The following INPP4B variants were observed in gnomAD, a reference collection of about 807,000 sequenced individuals.
INPP4B encodes inositol polyphosphate 4-phosphatase type II.
In INPP4B, 55 loss-of-function variants were observed where a neutral mutation model predicts 122.5. That is an observed-to-expected ratio of 0.45 (90% confidence interval 0.36 to 0.56). The LOEUF (loss-of-function observed/expected upper bound fraction) is 0.56, where lower values mean the gene tolerates loss of function less well. Among genes scored for constraint, INPP4B ranks in the 20% least tolerant of loss-of-function variants. INPP4B has a pLI of 0.00. For synonymous variants in INPP4B, 403 were observed against 388.7 expected (o/e 1.04, Z -0.43); for missense variants, 1,000 against 1,097.7 (o/e 0.91, Z 1.26).
At chr4:142,089,166 A>T (rs1419384955) in intron 23 of INPP4B, among the ~76,000 whole-genome samples, 1 of 152,156 alleles carries the variant, frequency 6.6e-6, no homozygotes, top group African/African-American at 2.4e-5. Flanking sequence ...CTGCTGGGGA[A>T]TCTGGGCTTC....
intron 7 of INPP4B, among the ~76,000 whole-genome samples, chr4:142,368,654 T>C (rs116563849): frequency 8.5e-5 from 13 of 152,102 alleles, no homozygotes; most frequent in African/African-American, 3.1e-4. Flanking sequence ...TGTTGAAATG[T>C]ATGTTTGTAT....
At chr4:142,479,198 C>G (rs1286409165) in intron 2 of INPP4B, among the ~76,000 whole-genome samples, 2 of 152,032 alleles carry the variant, frequency 1.3e-5, no homozygotes, top group Non-Finnish European at 2.9e-5. Context: ...CTGTGGCCAA[C>G]AAACATATGA....
chr4:142,609,510 A>T (rs1742021903), intron 2 of INPP4B, among the ~76,000 whole-genome samples: 1 of 152,138 alleles, frequency 6.6e-6, no homozygotes, highest in African/African-American at 2.4e-5. Flanking sequence ...TGTTAGCCTC[A>T]CATTGGTGGA....
At chr4:142,661,422 AT>A (rs1283272665) in intron 2 of INPP4B, among the ~76,000 whole-genome samples, 1 of 152,206 alleles carries the variant, frequency 6.6e-6, no homozygotes, top group East Asian at 1.9e-4. Context: ...AGCATAAACA[AT>A]TTTAGTCATA....
chr4:142,579,936 T>TA (rs569171864), intron 2 of INPP4B, among the ~76,000 whole-genome samples: 7 of 150,260 alleles, frequency 4.7e-5, no homozygotes, highest in East Asian at 2.0e-4. Flanking sequence ...GATAGATAGA[T>TA]ATCCTATTGC....
intron 24 of INPP4B, among the ~76,000 whole-genome samples, chr4:142,085,589 G>T (rs947604429): frequency 6.6e-6 from 1 of 152,026 alleles, no homozygotes. Context: ...GAGAACACAG[G>T]CAGCTCTTTT....
chr4:142,845,313 GTT>G (rs935489794), intron 1 of INPP4B, among the ~76,000 whole-genome samples: 3 of 152,156 alleles, frequency 2.0e-5, no homozygotes, highest in African/African-American at 7.2e-5. Context: ...GGTATATGTG[GTT>G]CTAGCATCCT....
At chr4:142,563,078 C>T (rs1263723075) in intron 2 of INPP4B, among the ~76,000 whole-genome samples, 3 of 152,142 alleles carry the variant, frequency 2.0e-5, no homozygotes, top group South Asian at 2.1e-4. Context: ...GTGAAGAGTA[C>T]CTCTGCTAGG....
At chr4:142,195,867 G>C (rs1263741583) in intron 14 of INPP4B, among the ~76,000 whole-genome samples, 1 of 152,172 alleles carries the variant, frequency 6.6e-6, no homozygotes, top group African/African-American at 2.4e-5. Context: ...CGAGGACTAT[G>C]CAAGTGGCAG....
chr4:142,284,685 G>A (rs1714077488), intron 9 of INPP4B, among the ~76,000 whole-genome samples: 1 of 152,062 alleles, frequency 6.6e-6, no homozygotes, highest in African/African-American at 2.4e-5. Flanking sequence ...AAGTGGGAGA[G>A]TGAATGAATC....
Position 142,806,764 on chromosome 4 carries a change from G to GA in INPP4B, c.-254+39444dup, listed in dbSNP as rs1554013533. The stretch of plus-strand genomic sequence containing the variant: ...GTTAAAAAAAAAGAAGAAGAAGAAA[G>GA]AAGAAAGAAAGAAAGAAAGAAGGAA... On this transcript the variant is annotated intron_variant, in intron 1 of 25. Coordinates refer to ENST00000262992, the MANE Select transcript of INPP4B (RefSeq NM_001101669.3). Among the ~76,000 whole-genome samples, 90 of 39,082 alleles carry GA rather than the reference G, an allele frequency of 2.3e-3. 3 individuals are homozygous for GA. Among genetic ancestry groups the GA allele is most frequent in the Middle Eastern group, 0.016 (1 of 62 alleles). The allele number at this position is 39,082 out of a possible 152,430, so 25.6% of individuals were successfully genotyped here.
rs189096827 is a variant in INPP4B, at chr4:142,758,157, C to A, written c.-253-32256G>T. Among the ~76,000 whole-genome samples the A allele has an allele frequency of 1.4e-3, 217 of 152,026 alleles. 2 individuals carry two copies. Among genetic ancestry groups the A allele is most frequent in the Non-Finnish European group, 2.8e-3 (191 of 67,970 alleles). ...TTGAAGTGCAGCCGAAGGAAGCCAACCATAAAAGTGAAGAATCTTGCAATC... is the reference window on the plus strand; with the variant it reads ...TTGAAGTGCAGCCGAAGGAAGCCAAACATAAAAGTGAAGAATCTTGCAATC... On this transcript the variant is annotated intron_variant, in intron 1 of 25. Transcript: ENST00000262992.
At chr4:142,443,364 A>G (rs1013388905) in intron 3 of INPP4B, among the ~76,000 whole-genome samples, 1 of 152,178 alleles carries the variant, frequency 6.6e-6, no homozygotes, top group Non-Finnish European at 1.5e-5. Flanking sequence ...TAATTGCAGG[A>G]AAAGTACAAA....
chr4:142,259,606 AATAAATT>A (rs1296068271), intron 11 of INPP4B, among the ~76,000 whole-genome samples: 2 of 151,492 alleles, frequency 1.3e-5, no homozygotes, highest in East Asian at 3.9e-4. Flanking sequence ...TAATAATAAT[AATAAATT>A]AACCTAGGAT....
intron 9 of INPP4B, among the ~76,000 whole-genome samples, chr4:142,280,424 A>G (rs1352854228): frequency 1.3e-5 from 2 of 152,150 alleles, no homozygotes; most frequent in East Asian, 3.9e-4. Context: ...GACTGAATGA[A>G]TGAAGTTATC....
At chr4:142,054,576 G>T (rs929604355) in intron 25 of INPP4B, among the ~76,000 whole-genome samples, 1 of 87,444 alleles carries the variant, frequency 1.1e-5, no homozygotes, top group Non-Finnish European at 2.7e-5. Context: ...TCCAAAGACA[G>T]TCCAGAGGGT....
chr4:142,809,568 A>G (rs1779250735), intron 1 of INPP4B, among the ~76,000 whole-genome samples: 6 of 152,212 alleles, frequency 3.9e-5, no homozygotes. Flanking sequence ...TATAGAGGAT[A>G]GATTCACAGA....
chr4:142,202,138 G>GTAGAAT (rs1231834896), intron 14 of INPP4B, among the ~76,000 whole-genome samples: 1 of 152,032 alleles, frequency 6.6e-6, no homozygotes, highest in Non-Finnish European at 1.5e-5. Flanking sequence ...TAATAGATAA[G>GTAGAAT]TAGAATTTAA....
At chr4:142,628,108 A>C (rs1356037230) in intron 2 of INPP4B, among the ~76,000 whole-genome samples, 1 of 151,730 alleles carries the variant, frequency 6.6e-6, no homozygotes, top group African/African-American at 2.4e-5. Flanking sequence ...AGACACATGC[A>C]CACGTATGTT....
Sources: gnomAD v4.1 joint callset for allele counts (sites outside exome capture counted in the v4.1 genomes callset) on GRCh38, gnomAD v4.1.1 for gene constraint, MANE v1.5 for transcripts, NCBI Gene and HGNC (gene_info 2026-07-23, HGNC 2026-07-21) for gene names.